RAD51B: variants seen among roughly 807,000 people sequenced by gnomAD.
The protein encoded by RAD51B is DNA repair protein RAD51 homolog 2.
In RAD51B, 38 loss-of-function variants were observed where a neutral mutation model predicts 42.2. The ratio of observed to expected loss-of-function variants is 0.90; its 90% CI spans 0.70 to 1.18. RAD51B has a LOEUF of 1.18. RAD51B is among the 50% of genes most tolerant of loss of function. RAD51B has a pLI of 0.00. For missense variants in RAD51B, 373 were observed against 400.7 expected, an observed-to-expected ratio of 0.93 and a Z score of 0.59; for synonymous variants, 154 against 145.2, an observed-to-expected ratio of 1.06 and a Z score of -0.43.
chr14:67,911,905 C>G (rs2043994675), intron 7 of RAD51B, among the ~76,000 whole-genome samples: 1 of 152,160 alleles, frequency 6.6e-6, no homozygotes, highest in Non-Finnish European at 1.5e-5. Context: ...CTCTTATAAA[C>G]TACTGCCTTT....
At chr14:68,002,085 T>G (rs2075495769) in intron 7 of RAD51B, among the ~76,000 whole-genome samples, 1 of 152,182 alleles carries the variant, frequency 6.6e-6, no homozygotes, top group Non-Finnish European at 1.5e-5. Context: ...CTGGGTCAAA[T>G]GGTATTTCTG....
intron 10 of RAD51B, among the ~76,000 whole-genome samples, chr14:68,587,692 G>A (rs1890554897): frequency 6.6e-6 from 1 of 151,976 alleles, no homozygotes; most frequent in African/African-American, 2.4e-5. Context: ...CAGCTTCTGA[G>A]CTGCACCGAA....
At chr14:68,429,631 G>T (rs1419631319) in intron 9 of RAD51B, among the ~76,000 whole-genome samples, 1 of 152,106 alleles carries the variant, frequency 6.6e-6, no homozygotes, top group South Asian at 2.1e-4. Context: ...TGAGTTCTTT[G>T]TAGATTGTGG....
intron 11 of RAD51B, among the ~76,000 whole-genome samples, chr14:68,679,058 A>G (rs1276156391): frequency 1.3e-5 from 2 of 151,730 alleles, no homozygotes; most frequent in African/African-American, 2.4e-5. Flanking sequence ...ACCTAAACCC[A>G]ACAAATATAA....
chr14:68,184,619 A>AC lies in RAD51B; in HGVS notation c.757-107265_757-107264insC, dbSNP rs1566712707. Among the ~76,000 whole-genome samples, 568 of 66,710 alleles carry AC rather than the reference A, an allele frequency of 8.5e-3. 11 individuals carry two copies. The highest frequency in any genetic ancestry group is 0.022 in the African/African-American group (536 of 24,558). The allele number at this position is 66,710 out of a possible 152,430, so 43.8% of individuals were successfully genotyped here. The stretch of plus-strand genomic sequence containing the variant: ...AGCAAGGCCCTGTCTAAAAAAAAAA[A>AC]AAAACCAAAAAAAAAAACAGGAAGA... On this transcript the variant is annotated intron_variant, in intron 7 of 10. Coordinates refer to ENST00000471583, the MANE Select transcript of RAD51B (RefSeq NM_133510.4).
chr14:68,236,021 C>A (rs776489268), intron 7 of RAD51B, among the ~76,000 whole-genome samples: 2 of 152,060 alleles, frequency 1.3e-5, no homozygotes, highest in African/African-American at 4.8e-5. Context: ...AACATATAGA[C>A]ACAAAGAAGG....
At chr14:68,356,763 C>G (rs1268339465) in intron 8 of RAD51B, among the ~76,000 whole-genome samples, 3 of 151,650 alleles carry the variant, frequency 2.0e-5, no homozygotes, top group Non-Finnish European at 2.9e-5. Flanking sequence ...GGGCGGATCA[C>G]GAGGTCAGGA....
At chr14:67,958,270 A>G (rs905042651) in intron 7 of RAD51B, among the ~76,000 whole-genome samples, 3 of 152,212 alleles carry the variant, frequency 2.0e-5, no homozygotes, top group Non-Finnish European at 2.9e-5. Context: ...GATTTTCTGT[A>G]TGAATTTCTT....
intron 7 of RAD51B, among the ~76,000 whole-genome samples, chr14:68,031,702 G>T (rs959034607): frequency 6.6e-6 from 1 of 152,116 alleles, no homozygotes; most frequent in African/African-American, 2.4e-5. Flanking sequence ...ATGAATGAAC[G>T]GCAGTTTCAG....
intron 7 of RAD51B, among the ~76,000 whole-genome samples, chr14:68,079,493 C>T (rs2076882116): frequency 6.6e-6 from 1 of 152,142 alleles, no homozygotes; most frequent in Non-Finnish European, 1.5e-5. Context: ...TTTGAGAAAG[C>T]AGAAGGTACC....
In RAD51B at chr14:67,910,405, CAAAAAAAAAAAAAAAAAAA is replaced by C. The variant is rs576632132; in HGVS notation, c.756+23220_756+23238del. ...TGGGCGACAGAGCGAGACTCTGTCT[CAAAAAAAAAAAAAAAAAAA>C]AAAAAAAAAAAAAAAAAATATTTAA... On this transcript the variant is annotated intron_variant, in intron 7 of 10. Transcript: ENST00000471583. Among the ~76,000 whole-genome samples the C allele has an allele frequency of 1.0e-3, 9 of 9,040 alleles. 1 individual carries two copies. Among genetic ancestry groups the C allele is most frequent in the East Asian group, 7.5e-3 (2 of 268 alleles). The allele number at this position is 9,040 out of a possible 152,430, so 5.9% of individuals were successfully genotyped here. A position where few individuals can be genotyped will look rare whatever the true frequency, so the allele number is the denominator to read the frequency against.
intron 9 of RAD51B, among the ~76,000 whole-genome samples, chr14:68,417,974 C>T (rs17105601): frequency 0.061 from 9,284 of 152,122 alleles, 403 homozygotes; most frequent in African/African-American, 0.12. Flanking sequence ...CACGATAGAC[C>T]GTGTACCTTT....
chr14:68,362,708 G>A lies in RAD51B; in HGVS notation c.854-48716G>A, dbSNP rs535026981. Among the ~76,000 whole-genome samples, 3 of 152,206 alleles carry A rather than the reference G, an allele frequency of 2.0e-5. 1 individual carries two copies. In the South Asian group the frequency reaches 6.2e-4, roughly 32 times the overall value. On this transcript the variant is annotated intron_variant, in intron 8 of 10. Transcript: ENST00000471583. ...ACTAAAAATACAAAAAATTAGCCGGGCATGGTGGTGGGCGCCTGTAGTCCC... is the reference window on the plus strand; with the variant it reads ...ACTAAAAATACAAAAAATTAGCCGGACATGGTGGTGGGCGCCTGTAGTCCC...
In RAD51B at chr14:68,526,212, A is replaced by C. The variant is rs975923262; in HGVS notation, c.1036+57962A>C. 3.9e-5 allele frequency among the ~76,000 whole-genome samples: 6 copies of C among 152,234 alleles called. No homozygotes were observed. The East Asian group carries it at 1.2e-3, about 29-fold the overall frequency. ...TCGTTGTTATTATTAAATGGGTCCC[A>C]AATCTTGAGGCAAGTCATTTGGAAA... is the stretch of plus-strand genomic sequence containing the variant. On this transcript the variant is annotated intron_variant, in intron 10 of 10. Transcript: ENST00000487270.
chr14:68,093,099 T>G (rs1269280782), intron 7 of RAD51B, among the ~76,000 whole-genome samples: 2 of 149,676 alleles, frequency 1.3e-5, no homozygotes, highest in Admixed American at 6.7e-5. Context: ...GGATTCGGTT[T>G]GCCAGTATTT....
At chr14:68,523,947 G>C (rs1024464382) in intron 10 of RAD51B, among the ~76,000 whole-genome samples, 2 of 152,190 alleles carry the variant, frequency 1.3e-5, no homozygotes, top group African/African-American at 4.8e-5. Context: ...AATATCAATG[G>C]TCTGGTGGCA....
At chr14:68,064,671 C>T (rs553037660) in intron 7 of RAD51B, among the ~76,000 whole-genome samples, 11 of 151,172 alleles carry the variant, frequency 7.3e-5, no homozygotes, top group African/African-American at 2.4e-4. Context: ...CCTGTTTTTT[C>T]TCTTTTATTC....
intron 9 of RAD51B, among the ~76,000 whole-genome samples, chr14:68,448,893 GA>G (rs199509139): frequency 2.7e-5 from 4 of 150,316 alleles, no homozygotes; most frequent in Admixed American, 6.6e-5. Context: ...TGCTAGTTGT[GA>G]AAAAAAAATC....
At chr14:68,349,624 C>T (rs1230105873) in intron 8 of RAD51B, among the ~76,000 whole-genome samples, 1 of 152,162 alleles carries the variant, frequency 6.6e-6, no homozygotes, top group East Asian at 1.9e-4. Flanking sequence ...CCTCGGCCTC[C>T]CAAAGTGCTG....
Sources: allele counts gnomAD v4.1 joint callset (sites outside exome capture counted in the v4.1 genomes callset), GRCh38; gene constraint gnomAD v4.1.1; transcripts MANE v1.5; gene names NCBI Gene and HGNC (gene_info 2026-07-23, HGNC 2026-07-21).